The following SPTBN4 variants were observed in gnomAD, a reference collection of about 807,000 sequenced individuals.
SPTBN4 encodes the protein spectrin beta, non-erythrocytic 4, also known as spectrin beta chain, non-erythrocytic 4.
In SPTBN4, 96 loss-of-function variants were observed where a neutral mutation model predicts 277.8. The ratio of observed to expected loss-of-function variants is 0.35; its 90% CI spans 0.29 to 0.41. SPTBN4 has a LOEUF of 0.41. Ranked by LOEUF, SPTBN4 falls within the 10% of genes least tolerant of loss-of-function variation. The pLI is 1.00. For missense variants in SPTBN4, 3,006 were observed against 3,595.7 expected, an observed-to-expected ratio of 0.84 and a Z score of 4.19; for synonymous variants, 1,481 against 1,580.3, an observed-to-expected ratio of 0.94 and a Z score of 1.49.
Position 40,543,456 on chromosome 19 carries a change from C to T in SPTBN4, c.4360-5733C>T, listed in dbSNP as rs534565657. 2.0e-5 allele frequency among the ~76,000 whole-genome samples: 3 copies of T among 151,994 alleles called. No homozygotes were observed. In the South Asian group the frequency reaches 6.2e-4, roughly 32 times the overall value. The stretch of plus-strand genomic sequence containing the variant: ...CATTTGCCCTTCAGGAAGCTCAGGA[C>T]CTGAGAGTGAGTTTTGATGTATTTG... On this transcript the variant is annotated intron_variant, in intron 20 of 35. Coordinates refer to ENST00000598249, the MANE Select transcript of SPTBN4 (RefSeq NM_020971.3).
intron 2 of SPTBN4, among the ~76,000 whole-genome samples, chr19:40,473,359 T>G (rs1050628619): frequency 2.1e-5 from 3 of 145,780 alleles, no homozygotes; most frequent in Non-Finnish European, 4.5e-5. Context: ...CTGGTGTTTT[T>G]TTTTTTTTTT....
intron 17 of SPTBN4, among the ~76,000 whole-genome samples, chr19:40,524,107 G>A (rs1008740834): frequency 6.6e-6 from 1 of 152,066 alleles, no homozygotes; most frequent in African/African-American, 2.4e-5. Context: ...TGGATATATT[G>A]TGAAAAGGTA....
intron 6 of SPTBN4, among the ~76,000 whole-genome samples, chr19:40,496,725 C>T (rs1215868744): frequency 6.6e-6 from 1 of 152,160 alleles, no homozygotes; most frequent in East Asian, 1.9e-4. Flanking sequence ...ACACTTCTAA[C>T]CACTGCATAA....
chr19:40,548,903 G>A lies in SPTBN4; in HGVS notation c.4360-286G>A, dbSNP rs1301046884. 3.3e-5 allele frequency among the ~76,000 whole-genome samples: 5 copies of A among 152,174 alleles called. No individual in the cohort carries two copies. In the East Asian group the frequency reaches 9.6e-4, roughly 29 times the overall value. ...ATTAATGGACCACTTTAGTTCCGGGGTCAGGTAAGCCTCTTTGAGAAGGTA... is the reference window on the plus strand; with the variant it reads ...ATTAATGGACCACTTTAGTTCCGGGATCAGGTAAGCCTCTTTGAGAAGGTA... On this transcript the variant is annotated intron_variant, in intron 20 of 35. Transcript: ENST00000598249.
chr19:40,551,729 C>T (rs534579809), intron 22 of SPTBN4, among the ~76,000 whole-genome samples: 12 of 152,368 alleles, frequency 7.9e-5, no homozygotes, highest in Non-Finnish European at 8.8e-5. Flanking sequence ...TGTGGTGGCT[C>T]ATGCCTGTAA....
Position 40,554,361 on chromosome 19 carries a change from T to C in SPTBN4, c.4889T>C (p.Val1630Ala), listed in dbSNP as rs773810624. ...CAGGTGGAGCAGTACTACTTCGACG[T>C]GGCTGAGGTGGAGGCGTGGCTGGGC... ...AFQVEQYYFD[V>A]AEVEAWLGEQ... The change falls in exon 23 of 36, where the codon GTG (valine) becomes GCG (alanine). Residue 1630 changes from valine (V) to alanine (A), a missense_variant. By Grantham distance (64) the Val-to-Ala change is moderately conservative. This residue lies in a region of SPTBN4 where 1,759 missense variants were observed against 2,061.5 expected (regional missense o/e 0.85). Transcript: ENST00000598249. This position sits in a 1 kb window ranked among gnomAD's most constrained non-coding sequence, Gnocchi z 5.7. The C allele has an allele frequency of 6.3e-7, 1 of 1,584,532 alleles. No homozygotes were observed. Among genetic ancestry groups the C allele is most frequent in the Non-Finnish European group, 8.5e-7 (1 of 1,170,668 alleles).
In SPTBN4 at chr19:40,560,922, A is replaced by G. The variant is rs58666107; in HGVS notation, c.5915+519A>G. Among the ~76,000 whole-genome samples, 362 of 111,734 alleles carry G rather than the reference A, an allele frequency of 3.2e-3. 2 individuals carry two copies. The highest frequency in any genetic ancestry group is 0.011 in the African/African-American group (354 of 31,322). 73.3% of individuals were successfully genotyped at this position (111,734 alleles called of 152,430 possible). ...TGCATCCCGCTGCAGATGGGAAAAG[A>G]TAGCAGGAGGATCACACAGAAGGTT... On this transcript the variant is annotated intron_variant, in intron 27 of 35. Transcript: ENST00000598249. The surrounding 1 kb of genome is among the most constrained non-coding windows in gnomAD (Gnocchi z 5.2).
intron 5 of SPTBN4, among the ~76,000 whole-genome samples, chr19:40,494,672 ATCTC>A (rs1333055722): frequency 6.6e-6 from 1 of 151,120 alleles, no homozygotes; most frequent in Non-Finnish European, 1.5e-5. Flanking sequence ...GTATCTACCT[ATCTC>A]TCTCTCTACT....
rs768915310 is a variant in SPTBN4, at chr19:40,519,491, G to A, written c.2994G>A (p.Glu998=). 11 of 1,609,512 alleles carry A rather than the reference G, an allele frequency of 6.8e-6. No individual in the cohort carries two copies. In the Admixed American group the frequency reaches 1.7e-4, roughly 25 times the overall value. ...AGAACCACGTGCTGGAGGTGGCCGA[G>A]GTGCGCGCCCAGGTGCGTGAGAAGC... is the stretch of plus-strand genomic sequence containing the variant. ...LVENHVLEVA[E]VRAQVREKRR... Residue 998 remains glutamate, a synonymous_variant, in exon 16 of 36, where the codon GAG becomes GAA. Coordinates refer to ENST00000598249, the MANE Select transcript of SPTBN4 (RefSeq NM_020971.3). The surrounding 1 kb of genome is among the most constrained non-coding windows in gnomAD (Gnocchi z 5.7).
At chr19:40,529,280 G>C (rs1447058583) in intron 18 of SPTBN4, 149 bp downstream of exon 18, 1 of 702,740 alleles carries the variant, frequency 1.4e-6, no homozygotes, top group Non-Finnish European at 2.4e-6. Context: ...GCGGAGCCGG[G>C]TCTCAGTGCG....
At chr19:40,566,105 TGCCCCCAGGAAG>T in intron 29 of SPTBN4, 46 bp from the exon 30 acceptor site, 1 of 1,440,636 alleles carries the variant, frequency 6.9e-7, no homozygotes, top group Non-Finnish European at 9.2e-7. Context: ...GAACAGCCAT[TGCCCCCAGGAAG>T]GGCCCCAGAT....
chr19:40,513,218 G>T lies in SPTBN4; in HGVS notation c.2429G>T (p.Arg810Leu), dbSNP rs909632301. 2 of 1,504,112 alleles carry T rather than the reference G, an allele frequency of 1.3e-6. No homozygotes were observed. The highest frequency in any genetic ancestry group is 1.2e-5 in the South Asian group (1 of 80,754). 93.2% of individuals were successfully genotyped at this position (1,504,112 alleles called of 1,614,324 possible). Reference sequence around the variant, plus strand: ...GGCCACGACGAAGCTTCCAGCCGCCGCCTGGCGCGCCAGCACCGCGCGCTC... The same window carrying T: ...GGCCACGACGAAGCTTCCAGCCGCCTCCTGGCGCGCCAGCACCGCGCGCTC... ...DFGHDEASSR[R>L]LARQHRALTG... The change falls in exon 14 of 36, where the codon CGC (arginine) becomes CTC (leucine). Residue 810 changes from arginine to leucine, a missense_variant. Physicochemically the swap from Arg to Leu is moderately radical, Grantham distance 102. This residue lies in a region of SPTBN4 where 1,759 missense variants were observed against 2,061.5 expected (regional missense o/e 0.85). Transcript: ENST00000598249.
In SPTBN4 at chr19:40,530,715, G is replaced by A. The variant is rs974562308; in HGVS notation, c.3948+1584G>A. On this transcript the variant is annotated intron_variant, in intron 18 of 35. Coordinates refer to ENST00000598249, the MANE Select transcript of SPTBN4 (RefSeq NM_020971.3). The stretch of plus-strand genomic sequence containing the variant: ...GAGGGGCGGGGCGGCGCGGGGGCGG[G>A]CCGGGCAGGCGCCCGGACCCCCACC... The A allele has an allele frequency of 2.3e-3, 766 of 334,866 alleles. 2 individuals carry two copies. The highest frequency in any genetic ancestry group is 3.7e-3 in the Admixed American group (57 of 15,224). 20.7% of individuals were successfully genotyped at this position (334,866 alleles called of 1,614,324 possible).
intron 20 of SPTBN4, among the ~76,000 whole-genome samples, chr19:40,547,976 T>G (rs1599792685): frequency 6.6e-6 from 1 of 152,244 alleles, no homozygotes; most frequent in Non-Finnish European, 1.5e-5. Flanking sequence ...TTAATCCATC[T>G]GGAATTGTTT....
chr19:40,567,771 C>A lies in SPTBN4; in HGVS notation c.6445C>A (p.Arg2149=). ...ELAAKAAPLL[R]PGGYERGLEP... is the part of the protein sequence containing the mutation. The stretch of plus-strand genomic sequence containing the variant: ...GGCGGCCAAGGCGGCGCCCCTGCTG[C>A]GGCCAGGGGGCTATGAAAGGGGCTT... The change falls in exon 31 of 36, where the codon CGG becomes AGG. Residue 2149 remains arginine (R), a synonymous_variant. Transcript: ENST00000598249. 6.5e-7 allele frequency: 1 copy of A among 1,529,610 alleles called. No individual in the cohort carries two copies. The highest frequency in any genetic ancestry group is 8.8e-7 in the Non-Finnish European group (1 of 1,138,628). The allele number at this position is 1,529,610 out of a possible 1,614,324, so 94.8% of individuals were successfully genotyped here.
At chr19:40,489,996 C>T (rs2080118732) in intron 3 of SPTBN4, 79 bp from the exon 4 acceptor site, 1 of 1,435,288 alleles carries the variant, frequency 7.0e-7, no homozygotes, top group East Asian at 2.5e-5. Flanking sequence ...AGGCGGGCTT[C>T]TTTGGAAGCT....
intron 17 of SPTBN4, among the ~76,000 whole-genome samples, chr19:40,527,853 C>A (rs918307260): frequency 3.9e-5 from 6 of 152,002 alleles, no homozygotes; most frequent in African/African-American, 1.5e-4. Context: ...GTCAGGAGTT[C>A]GAGACCAGCC....
In SPTBN4 at chr19:40,567,939, GC is replaced by G; in HGVS notation, c.6614del (p.Ala2205GlyfsTer239). The G allele has an allele frequency of 6.6e-7, 1 of 1,515,200 alleles. No individual in the cohort carries two copies. Among genetic ancestry groups the G allele is most frequent in the Non-Finnish European group, 8.8e-7 (1 of 1,136,176 alleles). 93.9% of individuals were successfully genotyped at this position (1,515,200 alleles called of 1,614,324 possible). ...LPEIPGRVEPAALPAAPEDAA... is the reference protein window; with the variant it reads ...LPEIPGRVEPXALPAAPEDAA... ...GGAGATCCCGGGGAGGGTGGAGCCC[GC>G]GGCCCTGCCGGCCGCACCAGAGGAC... On this transcript the variant is annotated frameshift_variant, in exon 31 of 36. Coordinates refer to ENST00000598249, the MANE Select transcript of SPTBN4 (RefSeq NM_020971.3). LOFTEE classifies it high-confidence loss of function.
intron 30 of SPTBN4, among the ~76,000 whole-genome samples, chr19:40,566,677 G>A (rs563326734): frequency 6.6e-6 from 1 of 152,116 alleles, no homozygotes; most frequent in East Asian, 1.9e-4. Flanking sequence ...GTAATAAAAA[G>A]GATTAGGCCA....
Sources: allele counts gnomAD v4.1 joint callset (sites outside exome capture counted in the v4.1 genomes callset), GRCh38; gene constraint gnomAD v4.1.1; regional missense constraint gnomAD v4.1.1; non-coding constraint Gnocchi (gnomAD v3.1); transcripts MANE v1.5; gene names NCBI Gene and HGNC (gene_info 2026-07-23, HGNC 2026-07-21).